TMEM245: variants seen among roughly 807,000 people sequenced by gnomAD.
The protein encoded by TMEM245 is transmembrane protein 245, also known as protein CG-2.
A neutral mutation model predicts 101.2 loss-of-function variants in TMEM245; 69 were observed. The observed-to-expected ratio is 0.68, with a 90% CI of 0.56 to 0.83. The LOEUF (loss-of-function observed/expected upper bound fraction) is 0.83, where lower values mean the gene tolerates loss of function less well. Ranked by LOEUF, TMEM245 falls within the 40% of genes least tolerant of loss-of-function variation. TMEM245 has a pLI of 0.00. For synonymous variants in TMEM245, 537 were observed against 449.8 expected, an observed-to-expected ratio of 1.19 and a Z score of -2.45; for missense variants, 1,075 against 1,092.8, an observed-to-expected ratio of 0.98 and a Z score of 0.23.
At position 109,110,858 on chromosome 9, in the gene TMEM245, A is replaced by G. The variant is rs1830549309; in HGVS notation, c.580-2288T>C. On this transcript the variant is annotated intron_variant, in intron 1 of 17. Coordinates refer to ENST00000374586, the MANE Select transcript of TMEM245 (RefSeq NM_032012.4). ...TTCGAGATTCAAAACTCAACTGTAC[A>G]AGTATGGAATGGAAAGAGAACATCT... Among the ~76,000 whole-genome samples the G allele has an allele frequency of 2.0e-5, 3 of 152,186 alleles. 1 individual carries two copies. The highest frequency in any genetic ancestry group is 1.3e-4 in the Admixed American group (2 of 15,280).
At chr9:109,066,408 T>G (rs577905842) in intron 9 of TMEM245, among the ~76,000 whole-genome samples, 17 of 121,566 alleles carry the variant, frequency 1.4e-4, no homozygotes, top group South Asian at 2.7e-4. Flanking sequence ...TGAGCCAAGA[T>G]CATACCACTA....
At chr9:109,067,230 G>A (rs986957597) in intron 9 of TMEM245, among the ~76,000 whole-genome samples, 8 of 152,116 alleles carry the variant, frequency 5.3e-5, no homozygotes, top group South Asian at 2.1e-4. Flanking sequence ...CTGTTTTGGG[G>A]ACAAGGTAGA....
At chr9:109,114,860 T>C (rs1448498321) in intron 1 of TMEM245, among the ~76,000 whole-genome samples, 1 of 152,180 alleles carries the variant, frequency 6.6e-6, no homozygotes, top group East Asian at 1.9e-4. Context: ...TGATTTTTTT[T>C]TTAGGTGTTC....
intron 14 of TMEM245, among the ~76,000 whole-genome samples, chr9:109,040,409 AT>A (rs1828267234): frequency 6.6e-6 from 1 of 152,244 alleles, no homozygotes; most frequent in Non-Finnish European, 1.5e-5. Context: ...ATGTGCACAA[AT>A]ATATACATTC....
intron 14 of TMEM245, among the ~76,000 whole-genome samples, chr9:109,041,208 T>TC (rs1828292109): frequency 1.3e-5 from 2 of 152,144 alleles, no homozygotes; most frequent in African/African-American, 2.4e-5. Context: ...GTAACTGACC[T>TC]AGTGCACAGT....
chr9:109,073,417 T>C lies in TMEM245; in HGVS notation c.1471A>G (p.Met491Val), dbSNP rs760394045. The C allele has an allele frequency of 1.1e-5, 17 of 1,611,466 alleles. No homozygotes were observed. The highest frequency in any genetic ancestry group is 5.3e-5 in the African/African-American group (4 of 74,898). ...TAKVHQESVH[M>V]IEVTSNLINE... ...ATCAAATTACTTGTGACTTCAATCA[T>C]GTGTACACTCTCTTGATGTACCTGT... The change falls in exon 9 of 18, where the codon ATG becomes GTG. Residue 491 changes from methionine to valine, a missense_variant. Transcript: ENST00000374586.
At chr9:109,086,117 G>A (rs1829827799) in intron 6 of TMEM245, 97 bp from the exon 7 acceptor site, 3 of 1,333,200 alleles carry the variant, frequency 2.3e-6, no homozygotes, top group Non-Finnish European at 3.2e-6. Flanking sequence ...GAAAGCATGA[G>A]AAGGAAACCA....
At position 109,057,121 on chromosome 9, in the gene TMEM245, T is replaced by A; in HGVS notation, c.1854+70A>T. The A allele has an allele frequency of 5.8e-6, 9 of 1,541,746 alleles. No homozygotes were observed. In the South Asian group the frequency reaches 1.1e-4, roughly 19 times the overall value. ...AGGATAGATGAGGCCTCAAAGTGTA[T>A]GAAGAAAACTTGGAATTACAGTTTG... On this transcript the variant is annotated intron_variant, in intron 12 of 17. Coordinates refer to ENST00000374586, the MANE Select transcript of TMEM245 (RefSeq NM_032012.4).
chr9:109,117,412 C>T (rs1465888703), intron 1 of TMEM245, among the ~76,000 whole-genome samples: 1 of 152,144 alleles, frequency 6.6e-6, no homozygotes, highest in Non-Finnish European at 1.5e-5. Flanking sequence ...GCCACCGCGC[C>T]CGGCCAATTT....
intron 9 of TMEM245, among the ~76,000 whole-genome samples, chr9:109,071,435 T>C (rs754852799): frequency 6.6e-6 from 1 of 151,376 alleles, no homozygotes; most frequent in Non-Finnish European, 1.5e-5. Context: ...ATGGTGAAAC[T>C]CCTACAAAAA....
chr9:109,028,226 GATCA>G (rs1827844517), intron 17 of TMEM245, among the ~76,000 whole-genome samples: 1 of 151,678 alleles, frequency 6.6e-6, no homozygotes, highest in South Asian at 2.1e-4. Context: ...GAGGAGGGCA[GATCA>G]CCTGAGGTCA....
At position 109,080,945 on chromosome 9, in the gene TMEM245, T is replaced by C. The variant is rs764548865; in HGVS notation, c.1345-2A>G. 1.7e-5 allele frequency: 26 copies of C among 1,573,552 alleles called. No individual in the cohort carries two copies. The highest frequency in any genetic ancestry group is 2.3e-5 in the Non-Finnish European group (26 of 1,148,364). On this transcript the variant is annotated splice_acceptor_variant, in intron 7 of 17. Coordinates refer to ENST00000374586, the MANE Select transcript of TMEM245 (RefSeq NM_032012.4). LOFTEE classifies it high-confidence loss of function. ...CATCTTCTCCAACCAGATGATCATC[T>C]GCACAAAAACGAAAAAGAGAATTAC... is the stretch of plus-strand genomic sequence containing the variant.
rs545919482 is a variant in TMEM245, at chr9:109,042,913, C to T, written c.2124-4796G>A. ...CAGGCTAGAGTGCAGTGGTGCAATCCTGGCTCATTGCAACCTCCACCTCCC... is the reference window on the plus strand; with the variant it reads ...CAGGCTAGAGTGCAGTGGTGCAATCTTGGCTCATTGCAACCTCCACCTCCC... On this transcript the variant is annotated intron_variant, in intron 14 of 17. Transcript: ENST00000374586. Among the ~76,000 whole-genome samples the T allele has an allele frequency of 1.7e-3, 244 of 144,622 alleles. 3 individuals carry two copies. Among genetic ancestry groups the T allele is most frequent in the African/African-American group, 6.0e-3 (229 of 38,410 alleles). The allele number at this position is 144,622 out of a possible 152,430, so 94.9% of individuals were successfully genotyped here.
At chr9:109,069,183 T>G (rs1829258621) in intron 9 of TMEM245, among the ~76,000 whole-genome samples, 1 of 152,320 alleles carries the variant, frequency 6.6e-6, no homozygotes, top group Non-Finnish European at 1.5e-5. Context: ...CTACCTGATC[T>G]GGGGCTGCTC....
chr9:109,114,000 C>T (rs780214642), intron 1 of TMEM245, among the ~76,000 whole-genome samples: 5 of 152,090 alleles, frequency 3.3e-5, no homozygotes, highest in Admixed American at 1.3e-4. Flanking sequence ...CACTTGAACC[C>T]GGGAGGCAGA....
intron 5 of TMEM245, 89 bp downstream of exon 5, chr9:109,090,833 T>C: frequency 1.7e-6 from 2 of 1,169,368 alleles, no homozygotes; most frequent in Non-Finnish European, 2.4e-6. Context: ...AGACGGTAAA[T>C]GTATCTCAAA....
chr9:109,028,295 C>A (rs1827846733), intron 17 of TMEM245, among the ~76,000 whole-genome samples: 2 of 151,538 alleles, frequency 1.3e-5, no homozygotes, highest in Admixed American at 1.3e-4. Flanking sequence ...ACTAAAAATA[C>A]AAAAATTAGC....
Position 109,056,154 on chromosome 9 carries a change from T to C in TMEM245, c.1854+1037A>G, listed in dbSNP as rs1828828751. 2.0e-5 allele frequency among the ~76,000 whole-genome samples: 3 copies of C among 151,900 alleles called. No homozygotes were observed. The South Asian group carries it at 6.2e-4, about 32-fold the overall frequency. On this transcript the variant is annotated intron_variant, in intron 12 of 17. Transcript: ENST00000374586. The stretch of plus-strand genomic sequence containing the variant: ...AAACATTATTTTAGAAATTCAGAGG[T>C]AAATACCCAGGGAAAGCTAAAAGAA...
Position 109,108,527 on chromosome 9 carries a change from T to G in TMEM245, c.623A>C (p.Lys208Thr), listed in dbSNP as rs927561186. ...GTAGCGTTCAGTGCTTGCATTCCAC[T>G]TGAATGAAACAGTCAACACATAGCC... The part of the protein sequence containing the change: ...VVGYVLTVSF[K>T]WNASTERYLR... Residue 208 changes from lysine (K) to threonine (T), a missense_variant, in exon 2 of 18, where the codon AAG becomes ACG. Coordinates refer to ENST00000374586, the MANE Select transcript of TMEM245 (RefSeq NM_032012.4). 1 of 1,611,184 alleles carries G rather than the reference T, an allele frequency of 6.2e-7. No homozygotes were observed. The highest frequency in any genetic ancestry group is 8.5e-7 in the Non-Finnish European group (1 of 1,178,880).
Sources: gnomAD v4.1 joint callset for allele counts (sites outside exome capture counted in the v4.1 genomes callset) on GRCh38, gnomAD v4.1.1 for gene constraint, MANE v1.5 for transcripts, NCBI Gene and HGNC (gene_info 2026-07-23, HGNC 2026-07-21) for gene names.